Variants in CTIF observed in about 807,000 individuals in gnomAD.
CTIF encodes CBP80/20-dependent translation initiation factor.
A neutral mutation model predicts 66.0 loss-of-function variants in CTIF; 21 were observed. The ratio of observed to expected loss-of-function variants is 0.32; its 90% CI spans 0.23 to 0.46. The LOEUF (loss-of-function observed/expected upper bound fraction) is 0.46. Ranked by LOEUF, CTIF falls within the 20% of genes least tolerant of loss-of-function variation. The pLI, the probability that CTIF is intolerant of heterozygous loss-of-function variation, is 1.00. For synonymous variants in CTIF, 345 were observed against 326.4 expected (o/e 1.06, Z -0.62); for missense variants, 739 against 812.7 (o/e 0.91, Z 1.10).
chr18:48,570,940 A>G (rs1216226485), intron 1 of CTIF, among the ~76,000 whole-genome samples: 2 of 152,126 alleles, frequency 1.3e-5, no homozygotes, highest in Admixed American at 1.3e-4. Context: ...AATGTTCTGG[A>G]GCTGGATAGA....
At chr18:48,820,669 C>T (rs1331447467) in intron 10 of CTIF, among the ~76,000 whole-genome samples, 1 of 152,186 alleles carries the variant, frequency 6.6e-6, no homozygotes, top group Non-Finnish European at 1.5e-5. Flanking sequence ...AGGTAGCAGC[C>T]CCAGAACCCA....
intron 7 of CTIF, among the ~76,000 whole-genome samples, chr18:48,755,122 C>T (rs995720768): frequency 6.6e-6 from 1 of 152,094 alleles, no homozygotes; most frequent in African/African-American, 2.4e-5. Flanking sequence ...TAGCTGCAGG[C>T]GCCACAAAAA....
intron 9 of CTIF, among the ~76,000 whole-genome samples, chr18:48,768,039 T>C (rs1263294792): frequency 6.6e-6 from 1 of 152,020 alleles, no homozygotes; most frequent in East Asian, 1.9e-4. Flanking sequence ...GTTTCTCCCA[T>C]CCTCCTGCCC....
chr18:48,619,972 A>G (rs1305748762), intron 2 of CTIF, among the ~76,000 whole-genome samples: 1 of 152,102 alleles, frequency 6.6e-6, no homozygotes, highest in Non-Finnish European at 1.5e-5. Context: ...TCCCTATCCA[A>G]TGAGGCTTTG....
At chr18:48,760,870 G>A (rs149913663) in intron 8 of CTIF, 1 of 154,162 alleles carries the variant, frequency 6.5e-6, no homozygotes, top group Non-Finnish European at 1.4e-5. Flanking sequence ...CCCACAGGGG[G>A]CCCTATGCCC....
At chr18:48,787,631 T>C (rs1911831974) in intron 9 of CTIF, among the ~76,000 whole-genome samples, 1 of 152,140 alleles carries the variant, frequency 6.6e-6, no homozygotes, top group Admixed American at 6.5e-5. Context: ...TGGTTGAGTC[T>C]GCCCCCTCCT....
chr18:48,641,821 A>C (rs1397364476), intron 3 of CTIF, among the ~76,000 whole-genome samples: 1 of 152,132 alleles, frequency 6.6e-6, no homozygotes, highest in Non-Finnish European at 1.5e-5. Flanking sequence ...ACTGTTCCCC[A>C]TCCCCTGATA....
intron 10 of CTIF, among the ~76,000 whole-genome samples, chr18:48,829,857 T>C (rs992750482): frequency 6.6e-6 from 1 of 152,246 alleles, no homozygotes; most frequent in African/African-American, 2.4e-5. Context: ...ATCCACCTGC[T>C]GCCATTCTTG....
At chr18:48,759,355 C>T (rs1319869389) in intron 8 of CTIF, among the ~76,000 whole-genome samples, 1 of 152,118 alleles carries the variant, frequency 6.6e-6, no homozygotes, top group East Asian at 1.9e-4. Flanking sequence ...TCCCCTACTG[C>T]CGACTCTCCT....
At chr18:48,572,109 C>T (rs2089429865) in intron 1 of CTIF, among the ~76,000 whole-genome samples, 1 of 151,932 alleles carries the variant, frequency 6.6e-6, no homozygotes, top group African/African-American at 2.4e-5. Flanking sequence ...TCCTCCTTCC[C>T]CTCCCTCCTT....
intron 9 of CTIF, among the ~76,000 whole-genome samples, chr18:48,767,604 A>G (rs982304621): frequency 1.3e-5 from 2 of 152,126 alleles, no homozygotes; most frequent in Non-Finnish European, 2.9e-5. Flanking sequence ...GAAGGATGCG[A>G]TACCTTTTTT....
chr18:48,623,603 A>G lies in CTIF; in HGVS notation c.180+3858A>G, dbSNP rs1490082158. 5.3e-5 allele frequency among the ~76,000 whole-genome samples: 8 copies of G among 151,590 alleles called. No individual in the cohort carries two copies. The East Asian group carries it at 1.5e-3, about 29-fold the overall frequency. On this transcript the variant is annotated intron_variant, in intron 2 of 11. Transcript: ENST00000256413. ...CCAAAAAGAAAAAAAAAAACAGCAA[A>G]CACTCAGGGAATGTTCCTGTCTGCC...
chr18:48,548,325 G>A (rs1028259233), intron 1 of CTIF, among the ~76,000 whole-genome samples: 27 of 152,158 alleles, frequency 1.8e-4, no homozygotes, highest in African/African-American at 5.6e-4. Context: ...ATACTTACAC[G>A]TTTGAACCAT....
chr18:48,613,688 A>T (rs1162000780), intron 1 of CTIF, among the ~76,000 whole-genome samples: 2 of 152,160 alleles, frequency 1.3e-5, no homozygotes, highest in Non-Finnish European at 2.9e-5. Context: ...TTTAACAGAG[A>T]TGCAGACCCA....
At chr18:48,758,519 C>T in intron 8 of CTIF, 114 bp downstream of exon 8, 13 of 1,330,196 alleles carry the variant, frequency 9.8e-6, no homozygotes, top group Non-Finnish European at 1.3e-5. Context: ...TCTAGGGAGC[C>T]ATGTACAGGG....
chr18:48,735,623 G>A (rs1450566775), intron 7 of CTIF, among the ~76,000 whole-genome samples: 1 of 152,164 alleles, frequency 6.6e-6, no homozygotes, highest in East Asian at 1.9e-4. Context: ...AACAGATTCT[G>A]TATCTCCAAG....
chr18:48,745,780 T>G (rs2092590730), intron 7 of CTIF, among the ~76,000 whole-genome samples: 5 of 152,234 alleles, frequency 3.3e-5, no homozygotes, highest in Non-Finnish European at 7.3e-5. Flanking sequence ...AGAAACTATC[T>G]GCTGGGGAGC....
intron 6 of CTIF, among the ~76,000 whole-genome samples, chr18:48,677,905 C>T (rs541585938): frequency 4.6e-5 from 7 of 152,302 alleles, no homozygotes; most frequent in East Asian, 3.9e-4. Flanking sequence ...GTCTGAGCTG[C>T]GGGCTGCATA....
chr18:48,749,838 G>A (rs1907631598), intron 7 of CTIF, among the ~76,000 whole-genome samples: 1 of 152,164 alleles, frequency 6.6e-6, no homozygotes, highest in Admixed American at 6.5e-5. Flanking sequence ...AAGCTCGGGG[G>A]ATGCCCAGAG....
Sources: gnomAD v4.1 joint callset for allele counts (sites outside exome capture counted in the v4.1 genomes callset) on GRCh38, gnomAD v4.1.1 for gene constraint, MANE v1.5 for transcripts, NCBI Gene and HGNC (gene_info 2026-07-23, HGNC 2026-07-21) for gene names.